Variants in LINGO2 observed in about 807,000 individuals in gnomAD.
LINGO2 encodes leucine rich repeat and Ig domain containing 2.
LINGO2 carries 14 observed loss-of-function variants against 30.6 expected under a neutral mutation model. The observed-to-expected ratio is 0.46, with a 90% CI of 0.30 to 0.72. LINGO2 has a LOEUF of 0.72. Among genes scored for constraint, LINGO2 ranks in the 30% least tolerant of loss-of-function variants. The pLI, the probability that LINGO2 is intolerant of heterozygous loss-of-function variation, is 0.07. For missense variants in LINGO2, 729 were observed against 751.7 expected (o/e 0.97, Z 0.35); for synonymous variants, 317 against 288.5 (o/e 1.10, Z -1.00).
chr9:28,391,604 CGTGT>C (rs35676869), intron 2 of LINGO2, among the ~76,000 whole-genome samples: 1,959 of 147,470 alleles, frequency 0.013, 7 homozygotes, highest in African/African-American at 0.022. Context: ...TTTATGTTTG[CGTGT>C]GTGTGTGTGT....
intron 2 of LINGO2, among the ~76,000 whole-genome samples, chr9:28,426,762 G>A (rs1476825815): frequency 2.0e-5 from 3 of 151,926 alleles, no homozygotes; most frequent in African/African-American, 4.8e-5. Flanking sequence ...AAATTGCATC[G>A]AGCATTCTTT....
chr9:28,351,737 T>G (rs1328497236), intron 3 of LINGO2, among the ~76,000 whole-genome samples: 5 of 152,046 alleles, frequency 3.3e-5, no homozygotes, highest in African/African-American at 1.2e-4. Flanking sequence ...TGAACATTGG[T>G]GCAAAAATCC....
At chr9:28,837,561 T>G in the LINGO2 span, among the ~76,000 whole-genome samples, 1 of 148,528 alleles carries the variant, frequency 6.7e-6, no homozygotes, top group East Asian at 2.0e-4. Context: ...GCAGGAGAAT[T>G]GCTTGAACCC....
At chr9:29,169,819 T>G in the LINGO2 span, among the ~76,000 whole-genome samples, 1 of 152,036 alleles carries the variant, frequency 6.6e-6, no homozygotes, top group African/African-American at 2.4e-5. Flanking sequence ...GCCAACATGG[T>G]GAAACCCATC....
chr9:28,613,457 G>GAT (rs112395174), intron 1 of LINGO2, among the ~76,000 whole-genome samples: 1,540 of 149,864 alleles, frequency 0.01, 24 homozygotes, highest in African/African-American at 0.033. Context: ...ATACCCATAT[G>GAT]ATATATATAT....
the LINGO2 span, among the ~76,000 whole-genome samples, chr9:28,880,932 T>G: frequency 6.6e-6 from 1 of 152,166 alleles, no homozygotes; most frequent in Non-Finnish European, 1.5e-5. Flanking sequence ...TTGAACTTAA[T>G]TATGACATAG....
the LINGO2 span, among the ~76,000 whole-genome samples, chr9:29,131,869 G>C: frequency 7.4e-4 from 112 of 151,158 alleles, no homozygotes; most frequent in African/African-American, 2.6e-3. Context: ...CCACTAGCTG[G>C]GTTCACATTT....
chr9:28,449,333 T>C (rs1824555581), intron 2 of LINGO2, among the ~76,000 whole-genome samples: 1 of 152,084 alleles, frequency 6.6e-6, no homozygotes, highest in Non-Finnish European at 1.5e-5. Context: ...TATTCTGCCA[T>C]AGTATCCACA....
chr9:28,909,836 AAAAC>A, the LINGO2 span, among the ~76,000 whole-genome samples: 1 of 152,092 alleles, frequency 6.6e-6, no homozygotes, highest in Non-Finnish European at 1.5e-5. Context: ...TAAAGAGTGA[AAAAC>A]ATGTATAGTT....
chr9:28,838,580 C>T, the LINGO2 span, among the ~76,000 whole-genome samples: 1 of 152,204 alleles, frequency 6.6e-6, no homozygotes, highest in African/African-American at 2.4e-5. Flanking sequence ...TTATCGTTCT[C>T]TTATTTGCTC....
intron 1 of LINGO2, among the ~76,000 whole-genome samples, chr9:28,632,583 C>T (rs562273334): frequency 1.2e-4 from 17 of 140,436 alleles, no homozygotes; most frequent in African/African-American, 3.4e-4. Flanking sequence ...CTATATATGT[C>T]GATATATGTA....
the LINGO2 span, among the ~76,000 whole-genome samples, chr9:29,187,028 T>C: frequency 1.3e-4 from 20 of 152,230 alleles, no homozygotes; most frequent in African/African-American, 4.6e-4. Context: ...CATTGTTGTC[T>C]CCCCAGAGTT....
the LINGO2 span, among the ~76,000 whole-genome samples, chr9:29,013,627 A>C: frequency 6.6e-6 from 1 of 152,130 alleles, no homozygotes; most frequent in African/African-American, 2.4e-5. Context: ...AAGAACTCAT[A>C]ATTAACTTGT....
chr9:28,078,590 C>T (rs56202040), intron 4 of LINGO2, among the ~76,000 whole-genome samples: 13,847 of 148,172 alleles, frequency 0.093, 1,544 homozygotes, highest in African/African-American at 0.16. Context: ...GTGGCTCATG[C>T]CCGTAATCCC....
intron 4 of LINGO2, among the ~76,000 whole-genome samples, chr9:28,108,102 C>T (rs1826652652): frequency 6.6e-6 from 1 of 152,156 alleles, no homozygotes; most frequent in South Asian, 2.1e-4. Flanking sequence ...AATGGGAGTA[C>T]ATATAGGTCT....
intron 1 of LINGO2, among the ~76,000 whole-genome samples, chr9:28,630,506 T>C (rs191430224): frequency 1.3e-5 from 2 of 152,222 alleles, no homozygotes; most frequent in Admixed American, 1.3e-4. Flanking sequence ...TCCTAATTTA[T>C]GAAAATGACA....
At chr9:28,822,450 A>G in the LINGO2 span, among the ~76,000 whole-genome samples, 10 of 152,180 alleles carry the variant, frequency 6.6e-5, no homozygotes, top group Admixed American at 2.6e-4. Flanking sequence ...TGAAGGATGC[A>G]AAGTATTGAT....
chr9:29,075,892 T>G, the LINGO2 span, among the ~76,000 whole-genome samples: 1 of 152,138 alleles, frequency 6.6e-6, no homozygotes, highest in African/African-American at 2.4e-5. Flanking sequence ...TATTCTTTAT[T>G]TTTTTTATAT....
chr9:29,107,034 A>AAC, the LINGO2 span, among the ~76,000 whole-genome samples: 1 of 152,184 alleles, frequency 6.6e-6, no homozygotes, highest in African/African-American at 2.4e-5. Context: ...TTGAATCTAT[A>AAC]ACACACACAT....
Sources: gnomAD v4.1 joint callset for allele counts (sites outside exome capture counted in the v4.1 genomes callset) on GRCh38, gnomAD v4.1.1 for gene constraint, MANE v1.5 for transcripts, NCBI Gene and HGNC (gene_info 2026-07-23, HGNC 2026-07-21) for gene names.